The following ST6GALNAC3 variants were observed in gnomAD, a reference collection of about 807,000 sequenced individuals.
ST6GALNAC3 encodes the protein alpha-N-acetylgalactosaminide alpha-2,6-sialyltransferase 3.
Under a neutral mutation model 32.7 loss-of-function variants are expected in ST6GALNAC3, and 25 were observed. That is an observed-to-expected ratio of 0.76 (90% CI 0.56 to 1.07). The LOEUF is 1.07. Among genes scored for constraint, ST6GALNAC3 ranks in the 50% least tolerant of loss-of-function variants. The probability of loss-of-function intolerance (pLI) is 0.00; values close to 1 mark genes in which losing one functional copy is unlikely to be tolerated. For missense variants in ST6GALNAC3, 355 were observed against 382.4 expected (o/e 0.93, Z 0.60); for synonymous variants, 129 against 133.1 (o/e 0.97, Z 0.21).
At position 76,628,764 on chromosome 1, in the gene ST6GALNAC3, G is replaced by A; in HGVS notation, c.876G>A (p.Lys292=). 1.2e-6 allele frequency: 2 copies of A among 1,612,080 alleles called. No homozygotes were observed. The highest frequency in any genetic ancestry group is 1.7e-6 in the Non-Finnish European group (2 of 1,178,834). ...EKKVFAKWAK[K]HRIIFTHPNW... ...AAGTGTTTGCTAAATGGGCCAAGAA[G>A]CACAGGATAATATTTACACATCCAA... The change falls in exon 5 of 5, where the codon AAG becomes AAA. Residue 292 remains lysine (K), a synonymous_variant. Coordinates refer to ENST00000328299, the MANE Select transcript of ST6GALNAC3 (RefSeq NM_152996.4).
At chr1:76,265,714 T>G (rs978722645) in intron 1 of ST6GALNAC3, among the ~76,000 whole-genome samples, 2 of 152,214 alleles carry the variant, frequency 1.3e-5, no homozygotes, top group Non-Finnish European at 2.9e-5. Context: ...AGGAAAGTAA[T>G]ACTTGCCTCA....
At position 76,208,081 on chromosome 1, in the gene ST6GALNAC3, A is replaced by T. The variant is rs1352893040; in HGVS notation, c.19-105724A>T. On this transcript the variant is annotated intron_variant, in intron 1 of 4. Transcript: ENST00000328299. ...AAATAGTTCACCCAGAACCCATGCT[A>T]GTCCTTTCATGCCTCAGGGACTCAG... is the stretch of plus-strand genomic sequence containing the variant. Among the ~76,000 whole-genome samples the T allele has an allele frequency of 2.8e-5, 4 of 144,636 alleles. No individual in the cohort carries two copies. In the Admixed American group the frequency reaches 2.8e-4, roughly 10 times the overall value. The allele number at this position is 144,636 out of a possible 152,430, so 94.9% of individuals were successfully genotyped here. A position where few individuals can be genotyped will look rare whatever the true frequency, so the allele number is the denominator to read the frequency against.
intron 3 of ST6GALNAC3, among the ~76,000 whole-genome samples, chr1:76,439,401 A>G (rs539989686): frequency 1.3e-5 from 2 of 152,310 alleles, no homozygotes; most frequent in African/African-American, 4.8e-5. Context: ...GAAAAAAGGA[A>G]GTTTGTTTAA....
At chr1:76,202,268 A>ATGTGTGTG (rs58107501) in intron 1 of ST6GALNAC3, among the ~76,000 whole-genome samples, 1,848 of 145,398 alleles carry the variant, frequency 0.013, 15 homozygotes, top group South Asian at 0.019. Flanking sequence ...GTGTGCATGC[A>ATGTGTGTG]TGTGTGTGTG....
chr1:76,312,853 G>A (rs1006425404), intron 1 of ST6GALNAC3, among the ~76,000 whole-genome samples: 2 of 152,172 alleles, frequency 1.3e-5, no homozygotes, highest in African/African-American at 4.8e-5. Context: ...GTAACTGTAT[G>A]TATTCTTGTC....
At chr1:76,556,747 T>A (rs759836167) in intron 3 of ST6GALNAC3, among the ~76,000 whole-genome samples, 11 of 152,098 alleles carry the variant, frequency 7.2e-5, no homozygotes, top group Non-Finnish European at 1.3e-4. Flanking sequence ...GCTTTAAAAA[T>A]TCTTTATATA....
intron 3 of ST6GALNAC3, among the ~76,000 whole-genome samples, chr1:76,535,482 A>G (rs1663539427): frequency 6.6e-6 from 1 of 152,170 alleles, no homozygotes; most frequent in African/African-American, 2.4e-5. Flanking sequence ...CATGGTTTTT[A>G]TAAGGTGAAG....
intron 3 of ST6GALNAC3, among the ~76,000 whole-genome samples, chr1:76,457,459 C>T (rs1001459143): frequency 2.0e-5 from 3 of 151,992 alleles, no homozygotes; most frequent in African/African-American, 7.3e-5. Context: ...AACTATACTA[C>T]AAGGCTATAC....
chr1:76,180,200 G>C (rs1653090775), intron 1 of ST6GALNAC3, among the ~76,000 whole-genome samples: 1 of 152,162 alleles, frequency 6.6e-6, no homozygotes, highest in African/African-American at 2.4e-5. Context: ...TGTATTATTA[G>C]TAAATCTGAG....
chr1:76,387,249 C>T lies in ST6GALNAC3; in HGVS notation c.214-24759C>T, dbSNP rs139909860. Among the ~76,000 whole-genome samples, 26 of 152,074 alleles carry T rather than the reference C, an allele frequency of 1.7e-4. 1 individual carries two copies. The highest frequency in any genetic ancestry group is 1.9e-4 in the East Asian group (1 of 5,184). ...GGAGGTGTTCTTTTACCTTCCCTCTCGGCACTAAATGTAAGCTCCCTGAGG... is the reference window on the plus strand; with the variant it reads ...GGAGGTGTTCTTTTACCTTCCCTCTTGGCACTAAATGTAAGCTCCCTGAGG... On this transcript the variant is annotated intron_variant, in intron 2 of 4. Coordinates refer to ENST00000328299, the MANE Select transcript of ST6GALNAC3 (RefSeq NM_152996.4).
intron 1 of ST6GALNAC3, among the ~76,000 whole-genome samples, chr1:76,186,710 A>G (rs182716503): frequency 2.0e-5 from 3 of 151,910 alleles, no homozygotes; most frequent in Admixed American, 6.6e-5. Context: ...TGGAAATTGT[A>G]CATGTAACTC....
chr1:76,275,237 T>A (rs773129998), intron 1 of ST6GALNAC3, among the ~76,000 whole-genome samples: 10 of 152,232 alleles, frequency 6.6e-5, no homozygotes, highest in Non-Finnish European at 1.5e-5. Context: ...TGTATGAGCA[T>A]GAAACCCTTC....
intron 1 of ST6GALNAC3, among the ~76,000 whole-genome samples, chr1:76,282,304 T>C (rs1050971780): frequency 9.9e-5 from 15 of 152,050 alleles, no homozygotes; most frequent in Non-Finnish European, 2.1e-4. Context: ...TGTGTATGTG[T>C]ATTTATGTGA....
At chr1:76,560,452 C>T (rs1557572426) in intron 3 of ST6GALNAC3, among the ~76,000 whole-genome samples, 1 of 152,024 alleles carries the variant, frequency 6.6e-6, no homozygotes, top group East Asian at 1.9e-4. Context: ...AGATTAACAA[C>T]CAGAATATAT....
intron 2 of ST6GALNAC3, among the ~76,000 whole-genome samples, chr1:76,407,230 G>A (rs1653898724): frequency 6.6e-6 from 1 of 152,036 alleles, no homozygotes; most frequent in South Asian, 2.1e-4. Flanking sequence ...AGCGCTGTGT[G>A]CTGAGATTAA....
rs887320631 is a variant in ST6GALNAC3 at position 76,631,608 on chromosome 1, T to C, written c.*2802T>C. On this transcript the variant is annotated 3_prime_UTR_variant, in exon 5 of 5. Coordinates refer to ENST00000328299, the MANE Select transcript of ST6GALNAC3 (RefSeq NM_152996.4). ...TTCTGGTCAAATGAAAGATATTCTA[T>C]CCAACATTTAAACATTGAAAAATTT... is the stretch of plus-strand genomic sequence containing the variant. 4 of 152,186 alleles carry C rather than the reference T, an allele frequency of 2.6e-5. No homozygotes were observed. In the East Asian group the frequency reaches 7.7e-4, roughly 29 times the overall value. 9.4% of individuals were successfully genotyped at this position (152,186 alleles called of 1,614,324 possible). A position where few individuals can be genotyped will look rare whatever the true frequency, so the allele number is the denominator to read the frequency against.
intron 3 of ST6GALNAC3, among the ~76,000 whole-genome samples, chr1:76,612,065 T>G (rs912405612): frequency 6.6e-6 from 1 of 152,194 alleles, no homozygotes; most frequent in South Asian, 2.1e-4. Context: ...GAAAACATAT[T>G]TTTCTCCATA....
chr1:76,221,506 C>T (rs1387472224), intron 1 of ST6GALNAC3, among the ~76,000 whole-genome samples: 1 of 152,166 alleles, frequency 6.6e-6, no homozygotes, highest in Admixed American at 6.5e-5. Context: ...CTCACCAGCT[C>T]TAGCCTCTTT....
intron 1 of ST6GALNAC3, among the ~76,000 whole-genome samples, chr1:76,208,159 C>T (rs1654937954): frequency 1.3e-5 from 2 of 152,278 alleles, no homozygotes; most frequent in African/African-American, 4.8e-5. Flanking sequence ...CCTACCAAGA[C>T]CTATGGCCTG....
Sources: gnomAD v4.1 joint callset for allele counts (sites outside exome capture counted in the v4.1 genomes callset) on GRCh38, gnomAD v4.1.1 for gene constraint, MANE v1.5 for transcripts, NCBI Gene and HGNC (gene_info 2026-07-23, HGNC 2026-07-21) for gene names.